The following ERC2 variants were observed in gnomAD, a reference collection of about 807,000 sequenced individuals.
The protein encoded by ERC2 is ERC protein 2.
In ERC2, 42 loss-of-function variants were observed where a neutral mutation model predicts 114.8. That is an observed-to-expected ratio of 0.37 (90% CI 0.29 to 0.47). The LOEUF (loss-of-function observed/expected upper bound fraction) is 0.47. ERC2 is among the 20% of genes least tolerant of loss of function. ERC2 has a pLI of 0.99. For synonymous variants in ERC2, 454 were observed against 425.5 expected (o/e 1.07, Z -0.82); for missense variants, 939 against 1,150.7 (o/e 0.82, Z 2.66).
intron 17 of ERC2, among the ~76,000 whole-genome samples, chr3:55,597,216 C>T (rs1048004566): frequency 5.3e-5 from 8 of 151,976 alleles, no homozygotes; most frequent in South Asian, 2.1e-4. Context: ...GTCAGGAGAT[C>T]GAGACCATCC....
intron 17 of ERC2, among the ~76,000 whole-genome samples, chr3:55,673,097 A>C (rs2061631458): frequency 6.6e-6 from 1 of 152,136 alleles, no homozygotes; most frequent in Non-Finnish European, 1.5e-5. Context: ...GCTCTAGAAG[A>C]CTTCCTCATT....
intron 17 of ERC2, among the ~76,000 whole-genome samples, chr3:55,557,875 T>G (rs962889477): frequency 1.3e-5 from 2 of 152,226 alleles, no homozygotes; most frequent in African/African-American, 2.4e-5. Context: ...TGCCACTTCA[T>G]CATAGAAGCC....
chr3:55,652,040 A>G (rs1415248289), intron 17 of ERC2, among the ~76,000 whole-genome samples: 4 of 152,208 alleles, frequency 2.6e-5, no homozygotes, highest in South Asian at 4.1e-4. Context: ...CACCACAGCA[A>G]TGAGGAGCGG....
At chr3:56,373,900 T>TA (rs34796106) in intron 2 of ERC2, among the ~76,000 whole-genome samples, 2 of 152,186 alleles carry the variant, frequency 1.3e-5, no homozygotes, top group African/African-American at 4.8e-5. Flanking sequence ...AAACCCCATT[T>TA]AAAAAAGTCA....
At chr3:55,543,559 C>T (rs958629458) in intron 17 of ERC2, among the ~76,000 whole-genome samples, 3 of 152,140 alleles carry the variant, frequency 2.0e-5, no homozygotes, top group African/African-American at 7.2e-5. Context: ...TTGGAGAAGA[C>T]CACAGAGATG....
intron 12 of ERC2, among the ~76,000 whole-genome samples, chr3:55,983,332 C>T (rs905561296): frequency 2.6e-5 from 4 of 152,188 alleles, no homozygotes; most frequent in African/African-American, 9.7e-5. Flanking sequence ...AAGTCACATG[C>T]TAATCTCACA....
intron 13 of ERC2, among the ~76,000 whole-genome samples, chr3:55,942,266 C>CTTT (rs56851837): frequency 0.036 from 1,520 of 42,252 alleles, 72 homozygotes; most frequent in Non-Finnish European, 0.04. Flanking sequence ...AAGGTCCTTT[C>CTTT]TTTTTTTTTT....
At chr3:55,826,319 C>A (rs2060324956) in intron 14 of ERC2, among the ~76,000 whole-genome samples, 1 of 152,164 alleles carries the variant, frequency 6.6e-6, no homozygotes, top group African/African-American at 2.4e-5. Flanking sequence ...CAGGAAGCCA[C>A]TACAGAACAG....
At chr3:55,920,431 CA>C (rs2065350507) in intron 13 of ERC2, among the ~76,000 whole-genome samples, 1 of 150,434 alleles carries the variant, frequency 6.6e-6, no homozygotes, top group African/African-American at 2.5e-5. Context: ...CACACACACA[CA>C]CACACACACA....
At chr3:56,305,601 G>A (rs1490278122) in intron 2 of ERC2, among the ~76,000 whole-genome samples, 2 of 150,136 alleles carry the variant, frequency 1.3e-5, no homozygotes, top group African/African-American at 2.5e-5. Context: ...ACAATAGCAA[G>A]TACTGACAAG....
chr3:55,604,778 T>G (rs563960343), intron 17 of ERC2, among the ~76,000 whole-genome samples: 33 of 152,340 alleles, frequency 2.2e-4, no homozygotes, highest in Non-Finnish European at 3.2e-4. Context: ...ATGCCCTTGA[T>G]CAGATCACAA....
At chr3:55,526,270 G>C (rs569666752) in intron 17 of ERC2, among the ~76,000 whole-genome samples, 1 of 152,300 alleles carries the variant, frequency 6.6e-6, no homozygotes, top group Admixed American at 6.5e-5. Context: ...AACCATGAAA[G>C]AATAAATTTC....
chr3:55,744,389 A>C (rs1430998031), intron 14 of ERC2, among the ~76,000 whole-genome samples: 1 of 152,170 alleles, frequency 6.6e-6, no homozygotes, highest in African/African-American at 2.4e-5. Context: ...CAGCCTGGGC[A>C]ACAAGAGGGA....
At chr3:55,930,020 C>T (rs935531817) in intron 13 of ERC2, among the ~76,000 whole-genome samples, 13 of 152,200 alleles carry the variant, frequency 8.5e-5, no homozygotes, top group African/African-American at 2.9e-4. Flanking sequence ...ACGTAGATCA[C>T]TTGAGGTCAG....
intron 17 of ERC2, among the ~76,000 whole-genome samples, chr3:55,621,248 A>C (rs893118520): frequency 1.3e-5 from 2 of 152,076 alleles, no homozygotes; most frequent in African/African-American, 4.8e-5. Context: ...CACTACTATA[A>C]AACACCCAAG....
intron 14 of ERC2, among the ~76,000 whole-genome samples, chr3:55,829,048 T>C (rs547661219): frequency 2.6e-5 from 4 of 152,254 alleles, no homozygotes; most frequent in South Asian, 2.1e-4. Flanking sequence ...GGAGGATCGA[T>C]TGAGCCCAGG....
intron 17 of ERC2, among the ~76,000 whole-genome samples, chr3:55,602,998 G>A (rs998865642): frequency 2.6e-5 from 4 of 152,142 alleles, no homozygotes; most frequent in Non-Finnish European, 5.9e-5. Context: ...AGAAGACCGA[G>A]CATCTCCTTA....
chr3:55,964,468 T>TC (rs397731390), intron 12 of ERC2, among the ~76,000 whole-genome samples: 3 of 151,588 alleles, frequency 2.0e-5, no homozygotes, highest in Admixed American at 2.0e-4. Context: ...TTTTTTTTTT[T>TC]CTATGAGGTA....
intron 11 of ERC2, among the ~76,000 whole-genome samples, chr3:55,988,181 T>A (rs2070778102): frequency 6.6e-6 from 1 of 152,170 alleles, no homozygotes; most frequent in South Asian, 2.1e-4. Flanking sequence ...TTTCACTGCC[T>A]CTAAGGTTTA....
Sources: allele counts gnomAD v4.1 joint callset (sites outside exome capture counted in the v4.1 genomes callset), GRCh38; gene constraint gnomAD v4.1.1; transcripts MANE v1.5; gene names NCBI Gene and HGNC (gene_info 2026-07-23, HGNC 2026-07-21).